LIG1: variants seen among roughly 807,000 people sequenced by gnomAD.
The protein encoded by LIG1 is ligase I, DNA, ATP-dependent.
Under a neutral mutation model 115.7 loss-of-function variants are expected in LIG1, and 70 were observed. The observed-to-expected ratio is 0.60, with a 90% CI of 0.50 to 0.74. The LOEUF is 0.74. Among genes scored for constraint, LIG1 ranks in the 30% least tolerant of loss-of-function variants. The probability of loss-of-function intolerance (pLI) is 0.00; values close to 1 mark genes in which losing one functional copy is unlikely to be tolerated. For synonymous variants in LIG1, 487 were observed against 495.3 expected, an observed-to-expected ratio of 0.98 and a Z score of 0.22; for missense variants, 1,115 against 1,225.6, an observed-to-expected ratio of 0.91 and a Z score of 1.35.
At chr19:48,165,527 C>T (rs949117128) in intron 2 of LIG1, 23 bp downstream of exon 2, 5 of 1,572,488 alleles carry the variant, frequency 3.2e-6, no homozygotes, top group Non-Finnish European at 4.4e-6. Flanking sequence ...AGGAAAGACT[C>T]AGGGGCAAGG....
intron 7 of LIG1, 98 bp downstream of exon 7, chr19:48,151,134 T>G: frequency 7.0e-6 from 5 of 717,800 alleles, no homozygotes; most frequent in African/African-American, 1.8e-5. Context: ...GCAATAAGTT[T>G]GAGAATCTAT....
At position 48,136,047 on chromosome 19, in the gene LIG1, C is replaced by T. The variant is rs756193150; in HGVS notation, c.1410G>A (p.Thr470=). 16 of 1,565,920 alleles carry T rather than the reference C, an allele frequency of 1.0e-5. No individual in the cohort carries two copies. The highest frequency in any genetic ancestry group is 2.4e-5 in the East Asian group (1 of 42,122). The change falls in exon 15 of 28, where the codon ACG becomes ACA. Residue 470 remains threonine, a synonymous_variant. Coordinates refer to ENST00000263274, the MANE Select transcript of LIG1 (RefSeq NM_000234.3). The part of the protein sequence containing the change: ...LAALSQAVSL[T]PPGQEFPPAM... ...ACAGGAGCTCACCTTGGCCCGGGGG[C>T]GTGAGGCTCACTGCCTGGGAGAGGG... is the stretch of plus-strand genomic sequence containing the variant.
intron 9 of LIG1, among the ~76,000 whole-genome samples, chr19:48,146,391 C>T (rs757520363): frequency 1.3e-5 from 2 of 152,230 alleles, no homozygotes; most frequent in Non-Finnish European, 1.5e-5. Context: ...AAAAGTATGA[C>T]GCAGTGAGTC....
At chr19:48,120,813 G>T in intron 24 of LIG1, 1 of 589,514 alleles carries the variant, frequency 1.7e-6, no homozygotes, top group Non-Finnish European at 2.3e-6. Flanking sequence ...AAAATGTGGG[G>T]ACAAAAAAAA....
At chr19:48,150,029 G>T in intron 8 of LIG1, 59 bp downstream of exon 8, 2 of 1,612,138 alleles carry the variant, frequency 1.2e-6, no homozygotes, top group Non-Finnish European at 1.7e-6. Flanking sequence ...TCTGGAGAGA[G>T]GCTCACCAGC....
chr19:48,131,210 C>T, intron 18 of LIG1, 39 bp from the exon 19 acceptor site: 1 of 1,508,654 alleles, frequency 6.6e-7, no homozygotes, highest in Non-Finnish European at 9.2e-7. Flanking sequence ...TCAGCTGAGT[C>T]CCCTCATGTG....
Position 48,135,452 on chromosome 19 carries a change from G to T in LIG1, c.1523+228C>A, listed in dbSNP as rs116094217. On this transcript the variant is annotated intron_variant, in intron 16 of 27. Coordinates refer to ENST00000263274, the MANE Select transcript of LIG1 (RefSeq NM_000234.3). ...CAGCGTCTTTCTATACCTCTCCTGG[G>T]GTCACTGACCCTTCACTGTTTGCCA... is the stretch of plus-strand genomic sequence containing the variant. Among the ~76,000 whole-genome samples, 1,215 of 152,138 alleles carry T rather than the reference G, an allele frequency of 8.0e-3. 11 individuals carry two copies. The highest frequency in any genetic ancestry group is 0.028 in the African/African-American group (1,150 of 41,482).
intron 10 of LIG1, 41 bp downstream of exon 10, chr19:48,143,842 A>C (rs1024327077): frequency 6.6e-7 from 1 of 1,522,986 alleles, no homozygotes; most frequent in Non-Finnish European, 9.1e-7. Flanking sequence ...CGGTGGCAAC[A>C]GGGACCGGAG....
chr19:48,131,267 G>C lies in LIG1; in HGVS notation c.1726-96C>G, dbSNP rs2034006671. The C allele has an allele frequency of 4.6e-6, 4 of 863,810 alleles. No individual in the cohort carries two copies. The East Asian group carries it at 1.0e-4, about 22-fold the overall frequency. 53.5% of individuals were successfully genotyped at this position (863,810 alleles called of 1,614,324 possible). A position where few individuals can be genotyped will look rare whatever the true frequency, so the allele number is the denominator to read the frequency against. On this transcript the variant is annotated intron_variant, in intron 18 of 27. Transcript: ENST00000263274. ...CCCACCTGCACTGGTAGAAGGTTCT[G>C]GAAGCTCTGGAGGAGGAACTGGTGC...
rs1044373708 is a variant in LIG1, at chr19:48,118,372, G to A, written c.2440-591C>T. On this transcript the variant is annotated intron_variant, in intron 25 of 27. Coordinates refer to ENST00000263274, the MANE Select transcript of LIG1 (RefSeq NM_000234.3). ...TCTCGTGATAGTGAGGAAGTCTCACGAGATCTGACGGCTTTATAAAGGGCA... is the reference window on the plus strand; with the variant it reads ...TCTCGTGATAGTGAGGAAGTCTCACAAGATCTGACGGCTTTATAAAGGGCA... 4.2e-5 allele frequency: 7 copies of A among 166,736 alleles called. No individual in the cohort carries two copies. The South Asian group carries it at 4.6e-4, about 11-fold the overall frequency. 10.3% of individuals were successfully genotyped at this position (166,736 alleles called of 1,614,324 possible).
intron 21 of LIG1, among the ~76,000 whole-genome samples, chr19:48,124,768 G>A (rs1433059517): frequency 6.6e-6 from 1 of 152,096 alleles, no homozygotes; most frequent in East Asian, 1.9e-4. Flanking sequence ...TAATCTCAGC[G>A]CTTTGGAAAG....
At position 48,162,373 on chromosome 19, in the gene LIG1, T is replaced by TA. The variant is rs774526849; in HGVS notation, c.18-23dup. 62 of 1,563,240 alleles carry TA rather than the reference T, an allele frequency of 4.0e-5. 1 individual carries two copies. The highest frequency in any genetic ancestry group is 1.1e-4 in the South Asian group (10 of 90,026). On this transcript the variant is annotated intron_variant, in intron 2 of 27. Transcript: ENST00000263274. ...TGACCTAGAGGAGCATAAAAGGGGGTAAAAAAAGGAGAATAACAGCACCAA... is the reference window on the plus strand; with the variant it reads ...TGACCTAGAGGAGCATAAAAGGGGGTAAAAAAAAGGAGAATAACAGCACCAA...
At chr19:48,155,909 TA>T (rs2035801055) in intron 5 of LIG1, among the ~76,000 whole-genome samples, 1 of 152,176 alleles carries the variant, frequency 6.6e-6, no homozygotes, top group African/African-American at 2.4e-5. Flanking sequence ...CTTTCAAATG[TA>T]AATTCAACTG....
Position 48,151,342 on chromosome 19 carries a change from G to A in LIG1, c.467-3C>T. 1 of 1,591,744 alleles carries A rather than the reference G, an allele frequency of 6.3e-7. No homozygotes were observed. The highest frequency in any genetic ancestry group is 1.3e-5 in the African/African-American group (1 of 74,462). On this transcript the variant is annotated splice_polypyrimidine_tract_variant and splice_region_variant and intron_variant, in intron 6 of 27. Transcript: ENST00000263274. ...GCTTTCTTTCGGGGTCTCCTCTTCTGACGATAGACAGAACGGTCAGATGGC... is the reference window on the plus strand; with the variant it reads ...GCTTTCTTTCGGGGTCTCCTCTTCTAACGATAGACAGAACGGTCAGATGGC...
intron 4 of LIG1, among the ~76,000 whole-genome samples, chr19:48,157,957 C>A (rs1310070607): frequency 6.6e-6 from 1 of 152,164 alleles, no homozygotes; most frequent in African/African-American, 2.4e-5. Flanking sequence ...TGGGCAGATC[C>A]CTCATGAATG....
chr19:48,116,470 C>T (rs563788519), intron 26 of LIG1, among the ~76,000 whole-genome samples: 41 of 150,648 alleles, frequency 2.7e-4, no homozygotes, highest in African/African-American at 9.8e-4. Flanking sequence ...AAAAAAATGC[C>T]ACCTGCTACA....
At chr19:48,145,496 TG>T (rs888274676) in intron 9 of LIG1, among the ~76,000 whole-genome samples, 3 of 151,942 alleles carry the variant, frequency 2.0e-5, no homozygotes, top group African/African-American at 4.8e-5. Flanking sequence ...GGACAAGGGT[TG>T]GGGGGGAGAA....
intron 9 of LIG1, among the ~76,000 whole-genome samples, chr19:48,144,337 G>C (rs146445514): frequency 1.3e-5 from 2 of 152,288 alleles, no homozygotes; most frequent in East Asian, 3.9e-4. Flanking sequence ...CAGGCAGAGA[G>C]AATAGCGTGT....
At chr19:48,164,671 A>G (rs2036379418) in intron 2 of LIG1, among the ~76,000 whole-genome samples, 1 of 152,228 alleles carries the variant, frequency 6.6e-6, no homozygotes, top group African/African-American at 2.4e-5. Context: ...CAATGGAGAG[A>G]GACAGATTCC....
Sources: allele counts gnomAD v4.1 joint callset (sites outside exome capture counted in the v4.1 genomes callset), GRCh38; gene constraint gnomAD v4.1.1; transcripts MANE v1.5; gene names NCBI Gene and HGNC (gene_info 2026-07-23, HGNC 2026-07-21).